MGA: variants seen among roughly 807,000 people sequenced by gnomAD.
MGA encodes MAX gene-associated protein.
In MGA, 40 loss-of-function variants were observed where a neutral mutation model predicts 261.1. The ratio of observed to expected loss-of-function variants is 0.15; its 90% confidence interval spans 0.12 to 0.20. The LOEUF (loss-of-function observed/expected upper bound fraction) is 0.20. MGA is among the 10% of genes least tolerant of loss of function. The pLI is 1.00. For synonymous variants in MGA, 1,302 were observed against 1,290.6 expected (o/e 1.01, Z -0.19); for missense variants, 3,397 against 3,630.5 (o/e 0.94, Z 1.65).
chr15:41,736,128 T>A (rs139005038), intron 12 of MGA, 53 bp from the exon 13 acceptor site: 12 of 1,371,620 alleles, frequency 8.7e-6, no homozygotes, highest in African/African-American at 1.5e-5. Context: ...CAAAATGCTG[T>A]GATGCAGAAA....
chr15:41,718,014 CAAAAA>C (rs759110458), intron 9 of MGA, among the ~76,000 whole-genome samples: 1 of 90,322 alleles, frequency 1.1e-5, no homozygotes, highest in African/African-American at 4.2e-5. Flanking sequence ...GACCCTGTCT[CAAAAA>C]AAAAAAAAAA....
At chr15:41,726,433 A>T (rs1350191593) in intron 9 of MGA, among the ~76,000 whole-genome samples, 1 of 152,208 alleles carries the variant, frequency 6.6e-6, no homozygotes, top group Non-Finnish European at 1.5e-5. Flanking sequence ...AGTGTGGTTA[A>T]AAGTTATCTT....
chr15:41,624,612 G>T (rs566666884), intron 1 of MGA, among the ~76,000 whole-genome samples: 1 of 151,884 alleles, frequency 6.6e-6, no homozygotes, highest in Non-Finnish European at 1.5e-5. Flanking sequence ...GGTGGGTGGC[G>T]TGAGCCACCG....
chr15:41,746,761 C>T (rs1252138050), intron 15 of MGA, among the ~76,000 whole-genome samples: 7 of 151,800 alleles, frequency 4.6e-5, no homozygotes, highest in Middle Eastern at 3.2e-3. Flanking sequence ...TAGAGAATCA[C>T]GTTAAGCTAA....
intron 9 of MGA, among the ~76,000 whole-genome samples, chr15:41,717,585 G>A (rs2060709427): frequency 6.6e-6 from 1 of 152,086 alleles, no homozygotes; most frequent in African/African-American, 2.4e-5. Context: ...GAAGAAATAG[G>A]TGACTGCTTG....
chr15:41,707,080 T>C (rs2060159166), intron 5 of MGA, among the ~76,000 whole-genome samples: 1 of 152,216 alleles, frequency 6.6e-6, no homozygotes, highest in Non-Finnish European at 1.5e-5. Flanking sequence ...GAGTTTGTAA[T>C]AGAGGCCTTA....
At chr15:41,722,425 G>A (rs779200103) in intron 9 of MGA, among the ~76,000 whole-genome samples, 6 of 151,906 alleles carry the variant, frequency 3.9e-5, no homozygotes, top group Admixed American at 2.0e-4. Flanking sequence ...CAGTGTGCCC[G>A]GTCTAAAGTA....
At chr15:41,706,726 C>T (rs2151433421) in intron 5 of MGA, among the ~76,000 whole-genome samples, 1 of 151,936 alleles carries the variant, frequency 6.6e-6, no homozygotes, top group East Asian at 1.9e-4. Flanking sequence ...AGGCACATGC[C>T]ACCACACCTG....
At chr15:41,755,714 T>G (rs2063111898) in intron 18 of MGA, among the ~76,000 whole-genome samples, 1 of 152,110 alleles carries the variant, frequency 6.6e-6, no homozygotes, top group Non-Finnish European at 1.5e-5. Flanking sequence ...GGGAACAGAT[T>G]AAAATAAAAA....
intron 1 of MGA, among the ~76,000 whole-genome samples, chr15:41,621,844 G>T (rs938177160): frequency 6.6e-6 from 1 of 152,208 alleles, no homozygotes; most frequent in African/African-American, 2.4e-5. Context: ...GACGGCCTGA[G>T]CGGTCTTTCG....
chr15:41,637,448 T>G (rs554643971), intron 1 of MGA, among the ~76,000 whole-genome samples: 1 of 152,300 alleles, frequency 6.6e-6, no homozygotes, highest in South Asian at 2.1e-4. Flanking sequence ...TAAATCCTTT[T>G]TATAAAGTTA....
At chr15:41,753,653 A>G (rs557008622) in intron 17 of MGA, among the ~76,000 whole-genome samples, 1 of 152,076 alleles carries the variant, frequency 6.6e-6, no homozygotes, top group South Asian at 2.1e-4. Flanking sequence ...GCTGTATCCT[A>G]TTTCTATACC....
At chr15:41,624,658 C>T (rs547639086) in intron 1 of MGA, among the ~76,000 whole-genome samples, 44 of 152,142 alleles carry the variant, frequency 2.9e-4, no homozygotes, top group South Asian at 6.2e-4. Context: ...TTAGTAGAGA[C>T]GGGGTTTCAC....
At chr15:41,662,374 G>A (rs2057464947) in intron 1 of MGA, among the ~76,000 whole-genome samples, 1 of 152,200 alleles carries the variant, frequency 6.6e-6, no homozygotes, top group African/African-American at 2.4e-5. Flanking sequence ...CCTGCGGCTA[G>A]CAGTAACAAA....
intron 23 of MGA, 25 bp from the exon 24 acceptor site, chr15:41,765,979 T>C (rs1008770219): frequency 1.9e-6 from 3 of 1,584,662 alleles, no homozygotes; most frequent in Admixed American, 3.5e-5. Context: ...AATGAATTTT[T>C]CTTTTTTTAA....
chr15:41,707,793 T>C lies in MGA; in HGVS notation c.2254T>C (p.Leu752=). ...TGATCTTAAATACTTGGGAGTACAG[T>C]TACCTTTGGCTCCAGCTACTAGCTT... is the stretch of plus-strand genomic sequence containing the variant. The change falls in exon 6 of 24, where the codon TTA becomes CTA. Residue 752 remains leucine, a synonymous_variant. Transcript: ENST00000219905. 1 of 1,613,790 alleles carries C rather than the reference T, an allele frequency of 6.2e-7. No homozygotes were observed. The highest frequency in any genetic ancestry group is 8.5e-7 in the Non-Finnish European group (1 of 1,179,750).
In MGA at chr15:41,696,333, A is replaced by G. The variant is rs537327679; in HGVS notation, c.1323A>G (p.Leu441=). 68 of 1,613,954 alleles carry G rather than the reference A, an allele frequency of 4.2e-5. No individual in the cohort carries two copies. In the South Asian group the frequency reaches 5.4e-4, roughly 13 times the overall value. The stretch of plus-strand genomic sequence containing the variant: ...TTGACAACCCAGAAGCTGACCATCT[A>G]TCTTCTAAATGGCTTCCAAGCAGCC... The change falls in exon 3 of 24, where the codon CTA becomes CTG. Residue 441 remains leucine (L), a synonymous_variant. Transcript: ENST00000219905.
intron 5 of MGA, among the ~76,000 whole-genome samples, chr15:41,701,801 CCTT>C (rs1330782393): frequency 6.6e-6 from 1 of 152,186 alleles, no homozygotes; most frequent in African/African-American, 2.4e-5. Flanking sequence ...TTACTTTTCA[CCTT>C]CTTTATAGAT....
chr15:41,657,685 CA>C (rs67776808), upstream of MGA, among the ~76,000 whole-genome samples: 116,727 of 149,340 alleles, frequency 0.78, 45,943 homozygotes, highest in East Asian at 0.89. Context: ...CAAAACAAAA[CA>C]AAAAAAAAAA....
Sources: allele counts gnomAD v4.1 joint callset (sites outside exome capture counted in the v4.1 genomes callset), GRCh38; gene constraint gnomAD v4.1.1; transcripts MANE v1.5; gene names NCBI Gene and HGNC (gene_info 2026-07-23, HGNC 2026-07-21).